The following STARD8 variants were observed in gnomAD, a reference collection of about 807,000 sequenced individuals.
STARD8 encodes the protein stAR-related lipid transfer protein 8.
STARD8 carries 25 observed loss-of-function variants against 69.4 expected under a neutral mutation model. The observed-to-expected ratio is 0.36, with a 90% CI of 0.26 to 0.50. STARD8 has a LOEUF of 0.50. STARD8 is among the 20% of genes least tolerant of loss of function. The pLI, the probability that STARD8 is intolerant of heterozygous loss-of-function variation, is 0.96. For synonymous variants in STARD8, 389 were observed against 374.6 expected (o/e 1.04, Z -0.45); for missense variants, 921 against 932.5 (o/e 0.99, Z 0.16).
intron 1 of STARD8, among the ~76,000 whole-genome samples, chrX:68,652,580 C>T (rs753291128): frequency 1.8e-5 from 2 of 110,966 alleles, no homozygotes; most frequent in African/African-American, 6.6e-5. Context: ...CAGTCAGGGC[C>T]CGGAAGGCAT....
intron 2 of STARD8, among the ~76,000 whole-genome samples, chrX:68,673,406 T>A (rs191683097): frequency 0.011 from 1,259 of 112,345 alleles, 17 homozygotes; most frequent in African/African-American, 0.039. Context: ...CCAGGATAAC[T>A]ATTTCATCGT....
At chrX:68,673,091 G>A (rs962647639) in intron 2 of STARD8, among the ~76,000 whole-genome samples, 1 of 111,553 alleles carries the variant, frequency 9.0e-6, no homozygotes, top group East Asian at 2.8e-4. Flanking sequence ...TCACCCCCTT[G>A]GCCACTTGGA....
chrX:68,719,429 G>C (rs779459292), intron 7 of STARD8, 31 bp downstream of exon 7: 1 of 1,130,351 alleles, frequency 8.8e-7, no homozygotes, highest in Admixed American at 2.8e-5. Flanking sequence ...GGAGGGTGGG[G>C]AACTGCTGAC....
intron 2 of STARD8, among the ~76,000 whole-genome samples, chrX:68,711,121 CT>C (rs1212553260): frequency 3.6e-5 from 4 of 111,554 alleles, no homozygotes; most frequent in Non-Finnish European, 7.5e-5. Context: ...TAGCAGGGCT[CT>C]GTCAGACACT....
At chrX:68,699,694 G>A (rs752541685) in intron 2 of STARD8, among the ~76,000 whole-genome samples, 1 of 111,996 alleles carries the variant, frequency 8.9e-6, no homozygotes, top group African/African-American at 3.2e-5. Context: ...CCCTTAACAT[G>A]TGGGGGCAGG....
chrX:68,662,068 C>T (rs184286819), intron 1 of STARD8, among the ~76,000 whole-genome samples: 6 of 105,929 alleles, frequency 5.7e-5, no homozygotes, highest in Non-Finnish European at 1.2e-4. Flanking sequence ...AGTGCCATGG[C>T]GTGATCTCAG....
chrX:68,693,609 G>T (rs1461997234), intron 2 of STARD8: 2 of 751,346 alleles, frequency 2.7e-6, no homozygotes, highest in Non-Finnish European at 3.1e-6. Flanking sequence ...CGTCCCTACA[G>T]CCCTACTCGC....
At chrX:68,713,542 C>A (rs1291487753) in intron 3 of STARD8, among the ~76,000 whole-genome samples, 2 of 111,543 alleles carry the variant, frequency 1.8e-5, no homozygotes, top group Admixed American at 1.9e-4. Flanking sequence ...GGTCACTTCC[C>A]AGTCCTCATC....
chrX:68,655,339 G>A (rs1030538802), intron 1 of STARD8, among the ~76,000 whole-genome samples: 12 of 111,877 alleles, frequency 1.1e-4, no homozygotes, highest in African/African-American at 3.9e-4. Flanking sequence ...AATAAATTAT[G>A]ACATAAGACT....
At chrX:68,688,375 G>A (rs1602572859) in intron 2 of STARD8, among the ~76,000 whole-genome samples, 1 of 110,954 alleles carries the variant, frequency 9.0e-6, no homozygotes, top group African/African-American at 3.3e-5. Flanking sequence ...TCTTCACAGG[G>A]CTGGGCTGGG....
chrX:68,688,361 C>T lies in STARD8; in HGVS notation c.79+22829C>T, dbSNP rs747698917. ...AATTGACATTGTCAAGCCCTAGAGA[C>T]CCCTCTTCACAGGGCTGGGCTGGGC... is the stretch of plus-strand genomic sequence containing the variant. On this transcript the variant is annotated intron_variant, in intron 2 of 14. Transcript: ENST00000374599. Among the ~76,000 whole-genome samples, 14 of 111,102 alleles carry T rather than the reference C, an allele frequency of 1.3e-4. No individual in the cohort carries two copies. The East Asian group carries it at 3.2e-3, about 25-fold the overall frequency.
chrX:68,647,975 G>A (rs2079525773), intron 1 of STARD8, 48 bp downstream of exon 1: 5 of 1,172,738 alleles, frequency 4.3e-6, no homozygotes, highest in African/African-American at 1.8e-5. Context: ...AGGGGGGAAG[G>A]AGGCAGATGT....
chrX:68,716,493 C>A (rs754464080), intron 5 of STARD8, 62 bp downstream of exon 5: 8 of 1,106,866 alleles, frequency 7.2e-6, no homozygotes, highest in Non-Finnish European at 8.7e-6. Flanking sequence ...CCAGGGCATA[C>A]GTAAACCATT....
intron 11 of STARD8, 126 bp downstream of exon 11, chrX:68,722,287 T>C: frequency 6.0e-6 from 5 of 836,980 alleles, no homozygotes; most frequent in Non-Finnish European, 8.4e-6. Flanking sequence ...TACCCCCAAC[T>C]CTTCCCCCAC....
intron 2 of STARD8, among the ~76,000 whole-genome samples, chrX:68,709,920 A>G (rs951948325): frequency 2.7e-5 from 3 of 112,122 alleles, no homozygotes; most frequent in Non-Finnish European, 3.8e-5. Context: ...GGAAACAGAA[A>G]CCTGGAGAGG....
chrX:68,692,364 A>G lies in STARD8; in HGVS notation c.80-20550A>G, dbSNP rs768994571. ...TGCTCCTCTGACTCTCATCAGGGCC[A>G]GCAGGGAAGGAATGTGGGAGAATTT... On this transcript the variant is annotated intron_variant, in intron 2 of 14. Coordinates refer to ENST00000374599, the MANE Select transcript of STARD8 (RefSeq NM_001142503.3). Among the ~76,000 whole-genome samples the G allele has an allele frequency of 3.6e-5, 4 of 112,384 alleles. No individual in the cohort carries two copies. In the East Asian group the frequency reaches 1.1e-3, roughly 31 times the overall value.
At chrX:68,693,902 C>G in intron 2 of STARD8, 1 of 673,268 alleles carries the variant, frequency 1.5e-6, no homozygotes, top group Non-Finnish European at 1.8e-6. Context: ...CGCTTTGCCT[C>G]TCTGGCGCGC....
chrX:68,724,468 C>T lies in STARD8; in HGVS notation c.*46C>T. The T allele has an allele frequency of 9.2e-7, 1 of 1,091,337 alleles. No individual in the cohort carries two copies. The highest frequency in any genetic ancestry group is 1.3e-6 in the Non-Finnish European group (1 of 797,373). 89.9% of individuals were successfully genotyped at this position (1,091,337 alleles called of 1,213,427 possible). Reference sequence around the variant, plus strand: ...TGGCACCACCCAGGCCCCCTGGGCACCAAGGGAGCGAGGGGGAATAAGAGC... The same window carrying T: ...TGGCACCACCCAGGCCCCCTGGGCATCAAGGGAGCGAGGGGGAATAAGAGC... On this transcript the variant is annotated 3_prime_UTR_variant, in exon 15 of 15. Transcript: ENST00000374599.
intron 2 of STARD8, among the ~76,000 whole-genome samples, chrX:68,679,309 T>TA (rs1319758478): frequency 9.0e-6 from 1 of 111,619 alleles, no homozygotes; most frequent in African/African-American, 3.3e-5. Context: ...ACTTGGAGAC[T>TA]CCTGGCTCAG....
Sources: gnomAD v4.1 joint callset for allele counts (sites outside exome capture counted in the v4.1 genomes callset) on GRCh38, gnomAD v4.1.1 for gene constraint, MANE v1.5 for transcripts, NCBI Gene and HGNC (gene_info 2026-07-23, HGNC 2026-07-21) for gene names.